ATP8A1: variants seen among roughly 807,000 people sequenced by gnomAD.
ATP8A1 encodes the protein phospholipid-transporting ATPase IA.
ATP8A1 carries 90 observed loss-of-function variants against 177.7 expected under a neutral mutation model. That is an observed-to-expected ratio of 0.51 (90% CI 0.43 to 0.60). ATP8A1 has a LOEUF of 0.60. Among genes scored for constraint, ATP8A1 ranks in the 20% least tolerant of loss-of-function variants. The pLI is 0.00. For synonymous variants in ATP8A1, 493 were observed against 485.9 expected (o/e 1.01, Z -0.19); for missense variants, 1,072 against 1,392.8 (o/e 0.77, Z 3.67).
At chr4:42,628,502 T>C (rs931054217) in intron 1 of ATP8A1, among the ~76,000 whole-genome samples, 7 of 151,998 alleles carry the variant, frequency 4.6e-5, no homozygotes, top group Non-Finnish European at 7.4e-5. Flanking sequence ...CACTGAAAGC[T>C]TTCCAAGTAG....
intron 15 of ATP8A1, among the ~76,000 whole-genome samples, chr4:42,559,009 T>C (rs1458722968): frequency 6.6e-5 from 10 of 152,244 alleles, no homozygotes; most frequent in Admixed American, 5.9e-4. Flanking sequence ...GACCTGTCTC[T>C]GCAAAAAATT....
Position 42,542,651 on chromosome 4 carries a change from T to C in ATP8A1, c.1722+1266A>G, listed in dbSNP as rs527364849. Among the ~76,000 whole-genome samples, 4 of 152,290 alleles carry C rather than the reference T, an allele frequency of 2.6e-5. No homozygotes were observed. The South Asian group carries it at 8.3e-4, about 32-fold the overall frequency. Reference sequence around the variant, plus strand: ...CCTTCCCGTGTCCATGTGTTCTCATTGCTCAACTCCTACTTATGAGTGAGA... The same window carrying C: ...CCTTCCCGTGTCCATGTGTTCTCATCGCTCAACTCCTACTTATGAGTGAGA... On this transcript the variant is annotated intron_variant, in intron 20 of 36. Transcript: ENST00000381668.
At chr4:42,611,755 T>C (rs1375898983) in intron 5 of ATP8A1, among the ~76,000 whole-genome samples, 1 of 152,230 alleles carries the variant, frequency 6.6e-6, no homozygotes, top group African/African-American at 2.4e-5. Context: ...ATCACCACAA[T>C]AAATTCATAT....
At chr4:42,545,442 T>G (rs1011995047) in intron 19 of ATP8A1, among the ~76,000 whole-genome samples, 1 of 152,112 alleles carries the variant, frequency 6.6e-6, no homozygotes, top group East Asian at 1.9e-4. Flanking sequence ...TTGTGTTACA[T>G]CAAAGTAGGT....
intron 19 of ATP8A1, among the ~76,000 whole-genome samples, chr4:42,545,088 A>G (rs1728759985): frequency 1.4e-5 from 2 of 144,230 alleles, no homozygotes; most frequent in South Asian, 4.7e-4. Flanking sequence ...CGAACCCGGG[A>G]GGTGGAGGTT....
intron 14 of ATP8A1, among the ~76,000 whole-genome samples, chr4:42,569,791 ACT>A (rs1228940238): frequency 1.3e-5 from 2 of 152,014 alleles, no homozygotes; most frequent in Non-Finnish European, 2.9e-5. Context: ...TCATTAAAAC[ACT>A]CTTTATTTCA....
At chr4:42,561,097 C>T (rs1025385361) in intron 15 of ATP8A1, among the ~76,000 whole-genome samples, 1 of 152,018 alleles carries the variant, frequency 6.6e-6, no homozygotes, top group African/African-American at 2.4e-5. Context: ...ATTGGCCTAA[C>T]GTAATTGAGT....
Position 42,485,612 on chromosome 4 carries a change from T to C in ATP8A1, c.2208A>G (p.Lys736=), listed in dbSNP as rs1219608741. ...CAATTATAAGAGCAAAATCATTCTC[T>C]TTCCGGAGAGCATCACCAAGGGTAG... The part of the protein sequence containing the change: ...HCTTLGDALR[K]ENDFALIIDG... Residue 736 remains lysine (K), a synonymous_variant, in exon 25 of 37, where the codon AAA becomes AAG. Transcript: ENST00000381668. The C allele has an allele frequency of 1.2e-6, 2 of 1,613,698 alleles. No individual in the cohort carries two copies. The highest frequency in any genetic ancestry group is 2.2e-5 in the East Asian group (1 of 44,844).
chr4:42,642,419 A>AT (rs1184229606), intron 1 of ATP8A1, among the ~76,000 whole-genome samples: 3 of 152,188 alleles, frequency 2.0e-5, no homozygotes, highest in African/African-American at 4.8e-5. Context: ...GCCAAGAATC[A>AT]TTTTCACAAA....
chr4:42,591,595 T>G (rs1416733249), intron 6 of ATP8A1, among the ~76,000 whole-genome samples: 1 of 152,062 alleles, frequency 6.6e-6, no homozygotes, highest in Non-Finnish European at 1.5e-5. Context: ...CCAGAGAAAT[T>G]TTTTCAGAGA....
intron 4 of ATP8A1, among the ~76,000 whole-genome samples, chr4:42,623,570 C>A (rs1163333081): frequency 6.6e-6 from 1 of 152,056 alleles, no homozygotes; most frequent in Non-Finnish European, 1.5e-5. Flanking sequence ...TGGATGGAGG[C>A]CATTATCCTT....
intron 15 of ATP8A1, among the ~76,000 whole-genome samples, chr4:42,563,527 C>T (rs1577596493): frequency 6.6e-6 from 1 of 152,134 alleles, no homozygotes; most frequent in African/African-American, 2.4e-5. Flanking sequence ...AACGAGGAGC[C>T]GAATATTAAT....
chr4:42,505,187 C>T (rs528324541), intron 23 of ATP8A1, among the ~76,000 whole-genome samples: 1 of 152,316 alleles, frequency 6.6e-6, no homozygotes, highest in African/African-American at 2.4e-5. Context: ...TGGGTTCTTT[C>T]GTTCCCTGCT....
chr4:42,508,304 C>T (rs531325446), intron 22 of ATP8A1, among the ~76,000 whole-genome samples: 21 of 151,998 alleles, frequency 1.4e-4, no homozygotes, highest in African/African-American at 5.1e-4. Flanking sequence ...GGCTAATTTG[C>T]GTATAAGACG....
chr4:42,421,572 C>T (rs139974149), intron 35 of ATP8A1, among the ~76,000 whole-genome samples: 132 of 152,144 alleles, frequency 8.7e-4, no homozygotes, highest in African/African-American at 3.0e-3. Context: ...ACGAAGTGAG[C>T]GCTCAACAAA....
At position 42,443,441 on chromosome 4, in the gene ATP8A1, A is replaced by G. The variant is rs148611717; in HGVS notation, c.3123+124T>C. 547 of 540,842 alleles carry G rather than the reference A, an allele frequency of 1.0e-3. 4 individuals are homozygous for G. In the East Asian group the frequency reaches 0.014, roughly 14 times the overall value. The allele number at this position is 540,842 out of a possible 1,614,324, so 33.5% of individuals were successfully genotyped here. On this transcript the variant is annotated intron_variant, in intron 33 of 36. Coordinates refer to ENST00000381668, the MANE Select transcript of ATP8A1 (RefSeq NM_006095.2). Reference sequence around the variant, plus strand: ...ACTGTGGAATTTAAAAACAGCTTTTAAATGGTCAAATCCTATTTTAATATA... The same window carrying G: ...ACTGTGGAATTTAAAAACAGCTTTTGAATGGTCAAATCCTATTTTAATATA...
chr4:42,425,726 TTGCTCCGAACA>T (rs1714533936), intron 33 of ATP8A1, among the ~76,000 whole-genome samples: 2 of 152,124 alleles, frequency 1.3e-5, no homozygotes, highest in Non-Finnish European at 2.9e-5. Context: ...CAATGGTGGA[TTGCTCCGAACA>T]GGAGCAGCCT....
chr4:42,414,504 T>C, intron 36 of ATP8A1, 123 bp downstream of exon 36: 1 of 805,350 alleles, frequency 1.2e-6, no homozygotes, highest in Non-Finnish European at 2.0e-6. Context: ...AGGTTACAAA[T>C]ATGCAAAACT....
At chr4:42,480,802 A>T (rs1259059790) in intron 25 of ATP8A1, among the ~76,000 whole-genome samples, 2 of 152,192 alleles carry the variant, frequency 1.3e-5, no homozygotes, top group Admixed American at 6.5e-5. Flanking sequence ...ATACACTATG[A>T]GGAAAATGGC....
Sources: gnomAD v4.1 joint callset for allele counts (sites outside exome capture counted in the v4.1 genomes callset) on GRCh38, gnomAD v4.1.1 for gene constraint, MANE v1.5 for transcripts, NCBI Gene and HGNC (gene_info 2026-07-23, HGNC 2026-07-21) for gene names.